Variants in MTRR observed in about 807,000 individuals in gnomAD.
The protein encoded by MTRR is 5-methyltetrahydrofolate-homocysteine methyltransferase reductase.
In MTRR, 63 loss-of-function variants were observed where a neutral mutation model predicts 79.2. The observed-to-expected ratio is 0.80, with a 90% CI of 0.65 to 0.98. The LOEUF is 0.98. Ranked by LOEUF, MTRR falls within the 50% of genes least tolerant of loss-of-function variation. MTRR has a pLI of 0.00. For synonymous variants in MTRR, 355 were observed against 313.3 expected (o/e 1.13, Z -1.41); for missense variants, 895 against 839.6 (o/e 1.07, Z -0.82).
At chr5:7,855,454 A>G (rs1746214282) in intron 1 of MTRR, among the ~76,000 whole-genome samples, 1 of 151,480 alleles carries the variant, frequency 6.6e-6, no homozygotes, top group Non-Finnish European at 1.5e-5. Flanking sequence ...AGAATAGATG[A>G]AACATGATTG....
chr5:7,851,776 C>T (rs773029855), intron 1 of MTRR, among the ~76,000 whole-genome samples: 1 of 151,706 alleles, frequency 6.6e-6, no homozygotes. Context: ...TTACGTTGGC[C>T]CTTGATCTGA....
At chr5:7,859,557 T>A in intron 1 of MTRR, 1 of 1,495,138 alleles carries the variant, frequency 6.7e-7, no homozygotes, top group Non-Finnish European at 9.2e-7. Flanking sequence ...GGTAGAAAAG[T>A]AAAACTGGTC....
At chr5:7,856,136 G>T (rs1746240816) in intron 1 of MTRR, among the ~76,000 whole-genome samples, 1 of 152,178 alleles carries the variant, frequency 6.6e-6, no homozygotes, top group African/African-American at 2.4e-5. Flanking sequence ...GCCGATTCAG[G>T]TCCCTCAAAG....
intron 1 of MTRR, among the ~76,000 whole-genome samples, chr5:7,853,918 G>A (rs539106935): frequency 4.6e-5 from 7 of 152,198 alleles, no homozygotes; most frequent in African/African-American, 9.6e-5. Flanking sequence ...ATAGCCCCAC[G>A]GAATGGTCCA....
At chr5:7,864,433 G>T (rs986106662), upstream of MTRR, among the ~76,000 whole-genome samples, 1 of 151,922 alleles carries the variant, frequency 6.6e-6, no homozygotes, top group African/African-American at 2.4e-5. Context: ...AGACAGATTC[G>T]ACTACAGAAC....
upstream of MTRR, chr5:7,866,834 T>C (rs747546762): frequency 1.1e-5 from 18 of 1,613,982 alleles, no homozygotes; most frequent in Non-Finnish European, 1.5e-5. Flanking sequence ...ATAATTGAGT[T>C]TCCCAAATGG....
At chr5:7,867,713 G>T (rs1561113038), upstream of MTRR, 1 of 1,614,162 alleles carries the variant, frequency 6.2e-7, no homozygotes, top group South Asian at 1.1e-5. Flanking sequence ...GTCAGGCAGG[G>T]TTTCCATCGT....
chr5:7,863,034 TA>T, intron 2 of MTRR: 1 of 1,554,564 alleles, frequency 6.4e-7, no homozygotes, highest in Non-Finnish European at 8.8e-7. Flanking sequence ...GAAAGAAAAA[TA>T]AGATATAACA....
At chr5:7,869,529 C>T in intron 1 of MTRR, 1 of 346,442 alleles carries the variant, frequency 2.9e-6, no homozygotes, top group South Asian at 2.8e-5. Context: ...GGAAACCGCA[C>T]TCGGGGACGC....
At chr5:7,876,658 A>G (rs1734610452) in intron 4 of MTRR, among the ~76,000 whole-genome samples, 1 of 152,250 alleles carries the variant, frequency 6.6e-6, no homozygotes, top group Admixed American at 6.5e-5. Context: ...ACTTGAGTCC[A>G]ATACCTGGGT....
Position 7,887,793 on chromosome 5 carries a change from CATATATATAT to C in MTRR, c.1146+1119_1146+1128del, listed in dbSNP as rs372829698. On this transcript the variant is annotated intron_variant, in intron 8 of 14. Coordinates refer to ENST00000440940, the MANE Select transcript of MTRR (RefSeq NM_002454.3). ...GTATATATTTGTGTGTGTGTGTGTG[CATATATATAT>C]ATATATATATATATATATATATATA... Among the ~76,000 whole-genome samples, 785 of 92,014 alleles carry C rather than the reference CATATATATAT, an allele frequency of 8.5e-3. 34 individuals are homozygous for C. Among genetic ancestry groups the C allele is most frequent in the East Asian group, 0.031 (95 of 3,102 alleles). 60.4% of individuals were successfully genotyped at this position (92,014 alleles called of 152,430 possible). A position where few individuals can be genotyped will look rare whatever the true frequency, so the allele number is the denominator to read the frequency against.
In MTRR at chr5:7,900,117, T is replaced by C; in HGVS notation, c.*59T>C. ...TTGACTGAAAGTACTAAAAGTCAGC[T>C]TTACTAGTGCCAAACCTTTAAATTT... On this transcript the variant is annotated 3_prime_UTR_variant, in exon 15 of 15. Coordinates refer to ENST00000440940, the MANE Select transcript of MTRR (RefSeq NM_002454.3). 1.3e-6 allele frequency: 2 copies of C among 1,588,638 alleles called. No homozygotes were observed. Among genetic ancestry groups the C allele is most frequent in the Non-Finnish European group, 1.7e-6 (2 of 1,166,066 alleles).
chr5:7,855,077 T>C (rs1439704072), intron 1 of MTRR, among the ~76,000 whole-genome samples: 2 of 152,228 alleles, frequency 1.3e-5, no homozygotes, highest in Non-Finnish European at 2.9e-5. Flanking sequence ...GCAATTGATC[T>C]AATTTCTCCA....
At chr5:7,861,546 A>C in intron 1 of MTRR, 9 of 1,420,408 alleles carry the variant, frequency 6.3e-6, no homozygotes, top group Non-Finnish European at 8.4e-6. Flanking sequence ...AGCCTCAACG[A>C]GTCTTGTAAT....
intron 7 of MTRR, among the ~76,000 whole-genome samples, chr5:7,886,174 T>G (rs75875614): frequency 0.016 from 2,511 of 152,302 alleles, 33 homozygotes; most frequent in Non-Finnish European, 0.025. Context: ...TTATGTTTAC[T>G]TCTCATAGTA....
At chr5:7,882,718 G>C (rs185568184) in intron 5 of MTRR, among the ~76,000 whole-genome samples, 122 of 152,200 alleles carry the variant, frequency 8.0e-4, no homozygotes, top group African/African-American at 2.6e-3. Context: ...TATTTCACCA[G>C]CCATATTTCA....
Position 7,900,043 on chromosome 5 carries a change from G to C in MTRR, c.2082G>C (p.Gln694His). 6.2e-7 allele frequency: 1 copy of C among 1,613,394 alleles called. No individual in the cohort carries two copies. Residue 694 changes from glutamine to histidine, a missense_variant, in exon 15 of 15, where the codon CAG becomes CAC. By Grantham distance (24) the Gln-to-His change is conservative (BLOSUM62 0). Transcript: ENST00000440940. ...TAAAAGAAGAAAAACGCTACCTTCA[G>C]GATATTTGGTCATAAAACCAGAAAT... The part of the protein sequence containing the change: ...ATLKEEKRYL[Q>H]DIWS
At chr5:7,851,287 T>A in exon 1 of MTRR, 1 of 364,440 alleles carries the variant, frequency 2.7e-6, no homozygotes, top group Non-Finnish European at 4.9e-6. Context: ...GGAGCCCGAC[T>A]GGGAGACGCC....
intron 14 of MTRR, 60 bp downstream of exon 14, chr5:7,897,307 A>G: frequency 1.3e-6 from 2 of 1,552,200 alleles, no homozygotes; most frequent in Non-Finnish European, 1.8e-6. Flanking sequence ...TCTGTAGAAG[A>G]AAAAAAGGAC....
Sources: allele counts gnomAD v4.1 joint callset (sites outside exome capture counted in the v4.1 genomes callset), GRCh38; gene constraint gnomAD v4.1.1; transcripts MANE v1.5; gene names NCBI Gene and HGNC (gene_info 2026-07-23, HGNC 2026-07-21).